Variants in PRUNE2 observed in about 807,000 individuals in gnomAD.
The protein encoded by PRUNE2 is prune homolog 2 with BCH domain, also known as protein prune homolog 2.
Under a neutral mutation model 252.0 loss-of-function variants are expected in PRUNE2, and 164 were observed. The ratio of observed to expected loss-of-function variants is 0.65; its 90% confidence interval spans 0.57 to 0.74. The LOEUF (loss-of-function observed/expected upper bound fraction) is 0.74, where lower values mean the gene tolerates loss of function less well. PRUNE2 is among the 30% of genes least tolerant of loss of function. The pLI is 0.00. For synonymous variants in PRUNE2, 1,292 were observed against 1,350.2 expected (o/e 0.96, Z 0.94); for missense variants, 3,495 against 3,711.0 (o/e 0.94, Z 1.51).
At chr9:76,777,305 T>C (rs2053911881) in intron 6 of PRUNE2, among the ~76,000 whole-genome samples, 1 of 151,924 alleles carries the variant, frequency 6.6e-6, no homozygotes, top group Admixed American at 6.6e-5. Context: ...TTCTCAACAG[T>C]GGGGAAAAAG....
intron 16 of PRUNE2, chr9:76,625,160 C>T (rs1834135868): frequency 1.4e-6 from 1 of 727,540 alleles, no homozygotes; most frequent in East Asian, 6.5e-5. Context: ...AGAGAAAATG[C>T]CTATCCAGAT....
chr9:76,632,839 G>A (rs1415700519), intron 15 of PRUNE2, among the ~76,000 whole-genome samples: 1 of 152,168 alleles, frequency 6.6e-6, no homozygotes, highest in Non-Finnish European at 1.5e-5. Context: ...GGAATTATAG[G>A]CACAAGTCTA....
At chr9:76,848,795 A>G (rs1291822369) in intron 3 of PRUNE2, among the ~76,000 whole-genome samples, 2 of 152,258 alleles carry the variant, frequency 1.3e-5, no homozygotes, top group African/African-American at 4.8e-5. Context: ...TGCATGAGTT[A>G]GCAATGCTTA....
At position 76,709,350 on chromosome 9, in the gene PRUNE2, GA is replaced by G; in HGVS notation, c.2923del (p.Ser975HisfsTer56). 6.2e-7 allele frequency: 1 copy of G among 1,614,008 alleles called. No homozygotes were observed. Among genetic ancestry groups the G allele is most frequent in the Non-Finnish European group, 8.5e-7 (1 of 1,179,872 alleles). Reference protein sequence around the residue: ...TNYSTSDSYTSPTFAGDEKET... With the variant: ...TNYSTSDSYTXPTFAGDEKET... ...CTTTTCGTCTCCAGCAAATGTTGGT[GA>G]TGTGTAAGAGTCTGAGGTGGAATAA... On this transcript the variant is annotated frameshift_variant, in exon 8 of 19. Transcript: ENST00000376718. LOFTEE classifies it high-confidence loss of function.
chr9:76,724,380 G>T (rs1022396724), intron 6 of PRUNE2, among the ~76,000 whole-genome samples: 5 of 85,158 alleles, frequency 5.9e-5, no homozygotes, highest in African/African-American at 2.7e-4. Flanking sequence ...AGGCTGGGAT[G>T]GGAGGATTGG....
chr9:76,671,061 T>C (rs1041259656), intron 9 of PRUNE2, among the ~76,000 whole-genome samples: 1 of 152,176 alleles, frequency 6.6e-6, no homozygotes, highest in African/African-American at 2.4e-5. Flanking sequence ...GAGAATGACT[T>C]TGACGAGCTG....
intron 6 of PRUNE2, among the ~76,000 whole-genome samples, chr9:76,797,057 T>C (rs1461046520): frequency 6.9e-6 from 1 of 144,584 alleles, no homozygotes; most frequent in African/African-American, 2.8e-5. Flanking sequence ...ACACAAGCAT[T>C]TAACAGTGTT....
At chr9:76,815,210 A>G (rs2057606907) in intron 6 of PRUNE2, among the ~76,000 whole-genome samples, 1 of 152,236 alleles carries the variant, frequency 6.6e-6, no homozygotes, top group South Asian at 2.1e-4. Context: ...AGGAAGATCC[A>G]GAGCACCACC....
chr9:76,659,074 G>T (rs1246005138), intron 9 of PRUNE2, among the ~76,000 whole-genome samples: 1 of 152,226 alleles, frequency 6.6e-6, no homozygotes, highest in Non-Finnish European at 1.5e-5. Flanking sequence ...GCTGTGGAGG[G>T]GCTCGGCCAG....
In PRUNE2 at chr9:76,837,356, T is replaced by C. The variant is rs574828696; in HGVS notation, c.508+9159A>G. Among the ~76,000 whole-genome samples, 15 of 151,892 alleles carry C rather than the reference T, an allele frequency of 9.9e-5. No individual in the cohort carries two copies. In the East Asian group the frequency reaches 2.9e-3, roughly 29 times the overall value. On this transcript the variant is annotated intron_variant, in intron 4 of 18. Coordinates refer to ENST00000376718, the MANE Select transcript of PRUNE2 (RefSeq NM_015225.3). ...ACTCGGGAGGCTGAGGCAGGAGAAT[T>C]GCTTGAACCCGGGAGGCAGAGATTG... is the stretch of plus-strand genomic sequence containing the variant.
chr9:76,823,290 AG>A (rs2058140652), intron 6 of PRUNE2: 1 of 190,542 alleles, frequency 5.2e-6, no homozygotes, highest in South Asian at 1.7e-4. Flanking sequence ...TGAACAATAC[AG>A]GGTGGTACAC....
At chr9:76,898,619 A>G (rs2062983950) in intron 1 of PRUNE2, among the ~76,000 whole-genome samples, 1 of 152,184 alleles carries the variant, frequency 6.6e-6, no homozygotes, top group Non-Finnish European at 1.5e-5. Flanking sequence ...GTGCATATAC[A>G]TTAAAGTAAA....
chr9:76,725,005 A>T (rs1487235922), intron 6 of PRUNE2, among the ~76,000 whole-genome samples: 2 of 152,190 alleles, frequency 1.3e-5, no homozygotes, highest in Non-Finnish European at 2.9e-5. Flanking sequence ...TAAAAATAAT[A>T]ATAATGAATG....
intron 18 of PRUNE2, among the ~76,000 whole-genome samples, chr9:76,615,700 A>G (rs1053385732): frequency 6.6e-6 from 1 of 150,668 alleles, no homozygotes; most frequent in Non-Finnish European, 1.5e-5. Flanking sequence ...TGAACATATC[A>G]TAATGTCTGT....
intron 6 of PRUNE2, among the ~76,000 whole-genome samples, chr9:76,774,451 T>TTTTTTTATTTATTTATTTATTTA (rs1564272358): frequency 2.5e-4 from 20 of 80,992 alleles, no homozygotes; most frequent in South Asian, 2.0e-3. Flanking sequence ...AGTTCAACCC[T>TTTTTTTATTTATTTATTTATTTA]TTTTTTTTTT....
chr9:76,804,247 C>T lies in PRUNE2; in HGVS notation c.756+19385G>A, dbSNP rs572368081. Among the ~76,000 whole-genome samples the T allele has an allele frequency of 3.3e-3, 499 of 152,294 alleles. 6 individuals carry two copies. Among genetic ancestry groups the T allele is most frequent in the Non-Finnish European group, 2.4e-3 (160 of 68,020 alleles). On this transcript the variant is annotated intron_variant, in intron 6 of 18. Coordinates refer to ENST00000376718, the MANE Select transcript of PRUNE2 (RefSeq NM_015225.3). ...TGCCCACTGTGTCCCCCAAACTGCA[C>T]GGGGCACACGGGCCTCTCTTTGGCG...
intron 4 of PRUNE2, among the ~76,000 whole-genome samples, chr9:76,845,584 C>A (rs746843171): frequency 6.6e-6 from 1 of 152,224 alleles, no homozygotes; most frequent in Non-Finnish European, 1.5e-5. Context: ...TTATACACTT[C>A]TTGGACCTTT....
chr9:76,829,016 CA>C (rs1185924670), intron 4 of PRUNE2, among the ~76,000 whole-genome samples: 2,157 of 95,442 alleles, frequency 0.023, 27 homozygotes, highest in African/African-American at 0.078. Flanking sequence ...CACTCTGTCT[CA>C]AAAAAAAAAA....
At chr9:76,795,020 T>G (rs957793842) in intron 6 of PRUNE2, among the ~76,000 whole-genome samples, 6 of 152,186 alleles carry the variant, frequency 3.9e-5, no homozygotes, top group African/African-American at 1.4e-4. Context: ...GAGAAGTTAC[T>G]GGACTCCCAC....
Sources: allele counts gnomAD v4.1 joint callset (sites outside exome capture counted in the v4.1 genomes callset), GRCh38; gene constraint gnomAD v4.1.1; transcripts MANE v1.5; gene names NCBI Gene and HGNC (gene_info 2026-07-23, HGNC 2026-07-21).